RHBG: variants seen among roughly 807,000 people sequenced by gnomAD.
The protein encoded by RHBG is ammonium transporter Rh type B.
Under a neutral mutation model 40.1 loss-of-function variants are expected in RHBG, and 39 were observed. The ratio of observed to expected loss-of-function variants is 0.97; its 90% CI spans 0.75 to 1.27. The LOEUF (loss-of-function observed/expected upper bound fraction) is 1.27. Ranked by LOEUF, RHBG falls within the 50% of genes most tolerant of loss-of-function variation. The probability of loss-of-function intolerance (pLI) is 0.00; values close to 1 mark genes in which losing one functional copy is unlikely to be tolerated. For missense variants in RHBG, 549 were observed against 588.1 expected (o/e 0.93, Z 0.69); for synonymous variants, 237 against 252.5 (o/e 0.94, Z 0.58).
chr1:156,384,846 C>T lies in RHBG; in HGVS notation c.*1C>T. 1 of 1,601,236 alleles carries T rather than the reference C, an allele frequency of 6.2e-7. No individual in the cohort carries two copies. On this transcript the variant is annotated 3_prime_UTR_variant, in exon 10 of 10. Transcript: ENST00000537040. Reference sequence around the variant, plus strand: ...GGAGGAGGCAGACACTCAGGCCTAACCCACTGCCAGCCCCTGAGAGGACAC... The same window carrying T: ...GGAGGAGGCAGACACTCAGGCCTAATCCACTGCCAGCCCCTGAGAGGACAC...
chr1:156,385,020 G>C lies in RHBG; in HGVS notation c.*175G>C, dbSNP rs972192521. 1 of 573,260 alleles carries C rather than the reference G, an allele frequency of 1.7e-6. No individual in the cohort carries two copies. The highest frequency in any genetic ancestry group is 3.1e-6 in the Non-Finnish European group (1 of 319,730). The allele number at this position is 573,260 out of a possible 1,614,324, so 35.5% of individuals were successfully genotyped here. Reference sequence around the variant, plus strand: ...AGGGAGAGGGGCAACAGGAGGCTGGGAAATGGTGGGGAGTGGGGCCGTAAC... The same window carrying C: ...AGGGAGAGGGGCAACAGGAGGCTGGCAAATGGTGGGGAGTGGGGCCGTAAC... On this transcript the variant is annotated 3_prime_UTR_variant, in exon 10 of 10. Transcript: ENST00000537040.
chr1:156,378,215 T>TG, intron 3 of RHBG, 37 bp from the exon 4 acceptor site: 1 of 177,552 alleles, frequency 5.6e-6, no homozygotes, highest in Non-Finnish European at 9.2e-6. Context: ...AGCGTGGGGG[T>TG]GGGGGCGGGG....
chr1:156,376,398 C>A (rs1223760724), intron 1 of RHBG, among the ~76,000 whole-genome samples: 1 of 146,936 alleles, frequency 6.8e-6, no homozygotes, highest in Non-Finnish European at 1.5e-5. Flanking sequence ...GACTCTTGCT[C>A]TGTCACCCAG....
chr1:156,381,256 A>T, intron 4 of RHBG, 91 bp from the exon 5 acceptor site: 2 of 1,309,376 alleles, frequency 1.5e-6, no homozygotes, highest in South Asian at 1.2e-5. Flanking sequence ...GAGGCTGCTG[A>T]GGGTAGGTGA....
At chr1:156,369,567 T>G (rs1666704123) in intron 1 of RHBG, 131 bp downstream of exon 1, 1 of 1,012,014 alleles carries the variant, frequency 9.9e-7, no homozygotes. Flanking sequence ...GTGGAGGGGC[T>G]CTGGGTTTAA....
Position 156,384,986 on chromosome 1 carries a change from C to A in RHBG, c.*141C>A. The A allele has an allele frequency of 3.3e-6, 2 of 605,406 alleles. No individual in the cohort carries two copies. Among genetic ancestry groups the A allele is most frequent in the Non-Finnish European group, 5.9e-6 (2 of 336,898 alleles). 37.5% of individuals were successfully genotyped at this position (605,406 alleles called of 1,614,324 possible). A position where few individuals can be genotyped will look rare whatever the true frequency, so the allele number is the denominator to read the frequency against. Reference sequence around the variant, plus strand: ...GAAGGAGGCCCCTTTCCACAGGCAGCGTCTCCACAGGGAGAGGGGCAACAG... The same window carrying A: ...GAAGGAGGCCCCTTTCCACAGGCAGAGTCTCCACAGGGAGAGGGGCAACAG... On this transcript the variant is annotated 3_prime_UTR_variant, in exon 10 of 10. Transcript: ENST00000537040.
chr1:156,373,781 T>C (rs894317911), intron 1 of RHBG, among the ~76,000 whole-genome samples: 1 of 152,308 alleles, frequency 6.6e-6, no homozygotes, highest in Middle Eastern at 3.4e-3. Flanking sequence ...CTTCCTTATC[T>C]TGCTGTCCTT....
intron 4 of RHBG, among the ~76,000 whole-genome samples, chr1:156,380,520 C>T (rs536523054): frequency 3.3e-5 from 5 of 151,720 alleles, no homozygotes; most frequent in South Asian, 2.1e-4. Flanking sequence ...GTCAGGAGTT[C>T]GAGACCAAAC....
rs1202587278 is a variant in RHBG, at chr1:156,381,698, A to G, written c.841-108A>G. Reference sequence around the variant, plus strand: ...TGGTAGCAGGACAATGAGAGGTTAGATGGCAGAGGGACTTCCAGAAGCAGT... The same window carrying G: ...TGGTAGCAGGACAATGAGAGGTTAGGTGGCAGAGGGACTTCCAGAAGCAGT... On this transcript the variant is annotated intron_variant, in intron 5 of 9. Coordinates refer to ENST00000537040, the MANE Select transcript of RHBG (RefSeq NM_020407.5). 5 of 1,457,076 alleles carry G rather than the reference A, an allele frequency of 3.4e-6. No individual in the cohort carries two copies. The African/African-American group carries it at 7.1e-5, about 21-fold the overall frequency. The allele number at this position is 1,457,076 out of a possible 1,614,324, so 90.3% of individuals were successfully genotyped here.
At position 156,369,299 on chromosome 1, in the gene RHBG, T is replaced by C. The variant is rs1434079308; in HGVS notation, c.50T>C (p.Leu17Pro). Residue 17 changes from leucine (L) to proline (P), a missense_variant, in exon 1 of 10, where the codon CTG (leucine) becomes CCG (proline). By Grantham distance (98) the Leu-to-Pro change is moderately conservative. Transcript: ENST00000537040. Reference protein sequence around the residue: ...RAAGRRLQLPLLCLFLQGATA... With the variant: ...RAAGRRLQLPPLCLFLQGATA... ...GCGGGCCGGCGACTGCAGCTTCCCC[T>C]GCTGTGCCTCTTCCTCCAGGGCGCC... 6.2e-7 allele frequency: 1 copy of C among 1,614,130 alleles called. No homozygotes were observed. Among genetic ancestry groups the C allele is most frequent in the Non-Finnish European group, 8.5e-7 (1 of 1,180,030 alleles).
chr1:156,374,849 G>T (rs1290548762), intron 1 of RHBG: 1 of 254,308 alleles, frequency 3.9e-6, no homozygotes, highest in Non-Finnish European at 7.8e-6. Context: ...GCCTCCCAAA[G>T]TGCTGGGATT....
chr1:156,369,772 C>T (rs1666716481), intron 1 of RHBG, among the ~76,000 whole-genome samples: 1 of 152,170 alleles, frequency 6.6e-6, no homozygotes, highest in Non-Finnish European at 1.5e-5. Flanking sequence ...TTTAACCATC[C>T]TCTTGTCCCA....
chr1:156,378,985 T>C (rs1272531294), intron 4 of RHBG, among the ~76,000 whole-genome samples: 1 of 147,824 alleles, frequency 6.8e-6, no homozygotes, highest in Non-Finnish European at 1.5e-5. Flanking sequence ...CACCACCTGC[T>C]GCTTCTTCTT....
chr1:156,374,814 G>A (rs547845568), intron 1 of RHBG: 10 of 267,172 alleles, frequency 3.7e-5, no homozygotes, highest in East Asian at 2.7e-4. Context: ...TTGAACTCCC[G>A]ACCTCAGGTG....
At chr1:156,382,040 G>T in intron 6 of RHBG, 28 bp from the exon 7 acceptor site, 1 of 1,611,174 alleles carries the variant, frequency 6.2e-7, no homozygotes, top group Non-Finnish European at 8.5e-7. Context: ...GTGGGCACAG[G>T]AGACTCATGA....
chr1:156,377,591 G>C lies in RHBG; in HGVS notation c.374+104G>C. 1 of 1,219,940 alleles carries C rather than the reference G, an allele frequency of 8.2e-7. No individual in the cohort carries two copies. The highest frequency in any genetic ancestry group is 1.1e-6 in the Non-Finnish European group (1 of 884,072). The allele number at this position is 1,219,940 out of a possible 1,614,324, so 75.6% of individuals were successfully genotyped here. Reference sequence around the variant, plus strand: ...CCTTCAAGTCTGCTTCCTGACTCACGATTCTGGGCGTCACTTGGTTTCTCT... The same window carrying C: ...CCTTCAAGTCTGCTTCCTGACTCACCATTCTGGGCGTCACTTGGTTTCTCT... On this transcript the variant is annotated intron_variant, in intron 2 of 9. Transcript: ENST00000537040. The surrounding 1 kb of genome is among the most constrained non-coding windows in gnomAD (Gnocchi z 4.6).
intron 4 of RHBG, 72 bp downstream of exon 4, chr1:156,378,471 T>A (rs1366603545): frequency 2.0e-6 from 3 of 1,503,298 alleles, no homozygotes; most frequent in Non-Finnish European, 1.8e-6. Context: ...GAGGTGACTG[T>A]CTCTCGGGGT....
intron 4 of RHBG, among the ~76,000 whole-genome samples, chr1:156,379,042 T>G (rs1345716644): frequency 6.6e-6 from 1 of 151,694 alleles, no homozygotes; most frequent in Non-Finnish European, 1.5e-5. Flanking sequence ...TTGCCCAGGT[T>G]GGAGTGCAGT....
At chr1:156,382,481 C>T (rs1667725512) in intron 7 of RHBG, 3 of 629,314 alleles carry the variant, frequency 4.8e-6, no homozygotes, top group Non-Finnish European at 8.3e-6. Flanking sequence ...TTTTGCACAT[C>T]AAGGGTGGGC....
Sources: allele counts gnomAD v4.1 joint callset (sites outside exome capture counted in the v4.1 genomes callset), GRCh38; gene constraint gnomAD v4.1.1; non-coding constraint Gnocchi (gnomAD v3.1); transcripts MANE v1.5; gene names NCBI Gene and HGNC (gene_info 2026-07-23, HGNC 2026-07-21).